Variants in MMP24 observed in about 807,000 individuals in gnomAD.
MMP24 encodes the protein matrix metalloproteinase-24.
A neutral mutation model predicts 62.8 loss-of-function variants in MMP24; 25 were observed. The observed-to-expected ratio is 0.40, with a 90% CI of 0.29 to 0.56. The LOEUF (loss-of-function observed/expected upper bound fraction) is 0.56, where lower values mean the gene tolerates loss of function less well. Ranked by LOEUF, MMP24 falls within the 20% of genes least tolerant of loss-of-function variation. The pLI is 0.50. For synonymous variants in MMP24, 319 were observed against 350.5 expected (o/e 0.91, Z 1.00); for missense variants, 634 against 853.6 (o/e 0.74, Z 3.21).
At chr20:35,231,978 G>C (rs2060440037) in intron 1 of MMP24, among the ~76,000 whole-genome samples, 1 of 152,212 alleles carries the variant, frequency 6.6e-6, no homozygotes, top group South Asian at 2.1e-4. Context: ...CGGGGGCAGA[G>C]GTTGTAGTGA....
intron 8 of MMP24, among the ~76,000 whole-genome samples, chr20:35,272,434 C>T (rs1225764134): frequency 1.3e-5 from 2 of 152,154 alleles, no homozygotes; most frequent in East Asian, 3.9e-4. Context: ...AACAGGGTTT[C>T]ACTATGTTGG....
intron 5 of MMP24, chr20:35,264,163 C>G: frequency 2.1e-6 from 1 of 467,288 alleles, no homozygotes; most frequent in Non-Finnish European, 3.7e-6. Context: ...AGGGGAGGGT[C>G]TGAGCTGTAA....
intron 5 of MMP24, among the ~76,000 whole-genome samples, chr20:35,264,995 G>T (rs2060625381): frequency 6.6e-6 from 1 of 152,186 alleles, no homozygotes; most frequent in South Asian, 2.1e-4. Flanking sequence ...TGGAGGACAG[G>T]CAGGACCTCC....
At position 35,271,887 on chromosome 20, in the gene MMP24, C is replaced by T; in HGVS notation, c.1600+52C>T. On this transcript the variant is annotated intron_variant, in intron 8 of 8. Transcript: ENST00000246186. The surrounding 1 kb of genome is among the most constrained non-coding windows in gnomAD (Gnocchi z 4.0). ...CATGGGGAGCCGGTTTTATGTGGTC[C>T]TCACCAGTGCCCACGGGCATACTCA... The T allele has an allele frequency of 6.5e-7, 1 of 1,550,298 alleles. No homozygotes were observed. The highest frequency in any genetic ancestry group is 2.0e-4 in the Middle Eastern group (1 of 4,890).
At chr20:35,235,777 C>T (rs1266331585) in intron 1 of MMP24, among the ~76,000 whole-genome samples, 1 of 152,140 alleles carries the variant, frequency 6.6e-6, no homozygotes, top group Non-Finnish European at 1.5e-5. Flanking sequence ...TTTCCCTTTT[C>T]TTAACTCACC....
At chr20:35,235,689 A>C (rs910836595) in intron 1 of MMP24, among the ~76,000 whole-genome samples, 8 of 152,126 alleles carry the variant, frequency 5.3e-5, no homozygotes, top group African/African-American at 1.9e-4. Context: ...CAAGAGCAAG[A>C]CTATGTCTCA....
At chr20:35,261,210 G>A (rs1392290420) in intron 4 of MMP24, among the ~76,000 whole-genome samples, 1 of 152,298 alleles carries the variant, frequency 6.6e-6, no homozygotes, top group African/African-American at 2.4e-5. Context: ...TCCTGTCCTA[G>A]GCACAATACA....
In MMP24 at chr20:35,276,987, CAG is replaced by C. The variant is rs1433303865; in HGVS notation, c.*2380_*2381del. ...TTTTTTAAATCATTTCTAAATAAAA[CAG>C]AAATACAGAGTGTGTCATTTCCCTG... On this transcript the variant is annotated 3_prime_UTR_variant, in exon 9 of 9. Coordinates refer to ENST00000246186, the MANE Select transcript of MMP24 (RefSeq NM_006690.4). The C allele has an allele frequency of 4.6e-5, 7 of 152,642 alleles. No individual in the cohort carries two copies. Among genetic ancestry groups the C allele is most frequent in the Non-Finnish European group, 7.3e-5 (5 of 68,044 alleles). The allele number at this position is 152,642 out of a possible 1,614,324, so 9.5% of individuals were successfully genotyped here.
In MMP24 at chr20:35,269,938, G is replaced by A. The variant is rs1464575865; in HGVS notation, c.1333+40G>A. ...GCTGTGGGACAGTTCCCTGCCCAAG[G>A]TCTTGGGACCTCCTTTTTCCCATCT... On this transcript the variant is annotated intron_variant, in intron 7 of 8. Transcript: ENST00000246186. The surrounding 1 kb of genome is among the most constrained non-coding windows in gnomAD (Gnocchi z 4.6). 1 of 1,549,482 alleles carries A rather than the reference G, an allele frequency of 6.5e-7. No individual in the cohort carries two copies. Among genetic ancestry groups the A allele is most frequent in the Non-Finnish European group, 8.7e-7 (1 of 1,145,658 alleles).
At position 35,258,630 on chromosome 20, in the gene MMP24, AT is replaced by A. The variant is rs1377670402; in HGVS notation, c.817+3883del. On this transcript the variant is annotated intron_variant, in intron 4 of 8. Coordinates refer to ENST00000246186, the MANE Select transcript of MMP24 (RefSeq NM_006690.4). ...TACAGGCTGACTAGATTCAAGTTCA[AT>A]TTTTTTGGCAAGAATACTTCCTAGG... 4.6e-5 allele frequency among the ~76,000 whole-genome samples: 7 copies of A among 152,176 alleles called. No homozygotes were observed. The East Asian group carries it at 1.2e-3, about 25-fold the overall frequency.
Position 35,254,834 on chromosome 20 carries a change from TTCCTGCTTTCTAGAGCC to T in MMP24, c.817+83_817+99del, listed in dbSNP as rs1176732519. ...AACTTGGAGGACATCCTAGATGAGT[TTCCTGCTTTCTAGAGCC>T]TCTTGTCCAAGAACTAAGACCGTAA... On this transcript the variant is annotated intron_variant, in intron 4 of 8. Transcript: ENST00000246186. 3 of 1,449,464 alleles carry T rather than the reference TTCCTGCTTTCTAGAGCC, an allele frequency of 2.1e-6. No homozygotes were observed. In the African/African-American group the frequency reaches 4.3e-5, roughly 21 times the overall value. 89.8% of individuals were successfully genotyped at this position (1,449,464 alleles called of 1,614,324 possible).
chr20:35,271,921 G>A lies in MMP24; in HGVS notation c.1600+86G>A. 2.8e-6 allele frequency: 4 copies of A among 1,426,848 alleles called. No individual in the cohort carries two copies. The highest frequency in any genetic ancestry group is 2.5e-4 in the Middle Eastern group (1 of 3,990). 88.4% of individuals were successfully genotyped at this position (1,426,848 alleles called of 1,614,324 possible). On this transcript the variant is annotated intron_variant, in intron 8 of 8. Transcript: ENST00000246186. This position sits in a 1 kb window ranked among gnomAD's most constrained non-coding sequence, Gnocchi z 4.0. The stretch of plus-strand genomic sequence containing the variant: ...GCCCACGGGCATACTCAGTGCCCAT[G>A]GGCGTCCAGGTTTGAAAAAACACCT...
intron 1 of MMP24, 137 bp downstream of exon 1, chr20:35,227,121 G>A: frequency 1.4e-6 from 1 of 734,560 alleles, no homozygotes; most frequent in Non-Finnish European, 1.7e-6. Context: ...TCCGCGCCTT[G>A]GGTCCGGGCT....
rs185270071 is a variant in MMP24, at chr20:35,258,893, C to T, written c.817+4139C>T. Among the ~76,000 whole-genome samples the T allele has an allele frequency of 1.8e-3, 268 of 152,222 alleles. 1 individual carries two copies. The highest frequency in any genetic ancestry group is 6.3e-3 in the African/African-American group (261 of 41,568). ...CCTCCTCCATGTGTTTAAAAGGCTC[C>T]CCGGGCCAGGTGCGATGGGAGCACT... On this transcript the variant is annotated intron_variant, in intron 4 of 8. Transcript: ENST00000246186.
intron 1 of MMP24, among the ~76,000 whole-genome samples, chr20:35,232,528 G>T (rs1452286722): frequency 6.6e-6 from 1 of 152,212 alleles, no homozygotes; most frequent in Non-Finnish European, 1.5e-5. Flanking sequence ...AGGAGATGAG[G>T]TTCCCCAGTT....
chr20:35,273,083 A>G (rs538162997), intron 8 of MMP24, among the ~76,000 whole-genome samples: 2 of 152,286 alleles, frequency 1.3e-5, no homozygotes, highest in Non-Finnish European at 1.5e-5. Flanking sequence ...GGACTTGCAG[A>G]CGTCCAAGTC....
intron 1 of MMP24, chr20:35,236,214 G>C (rs1215149127): frequency 6.6e-6 from 1 of 152,068 alleles, no homozygotes; most frequent in Non-Finnish European, 1.5e-5. Flanking sequence ...AAAAAAAACA[G>C]CATTTGGAGG....
chr20:35,255,962 T>C (rs1348831701), intron 4 of MMP24: 1 of 152,106 alleles, frequency 6.6e-6, no homozygotes, highest in Non-Finnish European at 1.5e-5. Context: ...AACCCTGTCA[T>C]AGACAGACTC....
chr20:35,263,662 T>C, intron 4 of MMP24, 129 bp from the exon 5 acceptor site: 1 of 698,518 alleles, frequency 1.4e-6, no homozygotes, highest in Non-Finnish European at 2.2e-6. Context: ...GATTTCTCTG[T>C]ATGTCCCTGG....
Sources: gnomAD v4.1 joint callset for allele counts (sites outside exome capture counted in the v4.1 genomes callset) on GRCh38, gnomAD v4.1.1 for gene constraint, Gnocchi (gnomAD v3.1) non-coding constraint, MANE v1.5 for transcripts, NCBI Gene and HGNC (gene_info 2026-07-23, HGNC 2026-07-21) for gene names.